DHRS11: variants seen among roughly 807,000 people sequenced by gnomAD.
DHRS11 encodes dehydrogenase/reductase 11, also known as dehydrogenase/reductase SDR family member 11.
DHRS11 carries 18 observed loss-of-function variants against 30.7 expected under a neutral mutation model. The ratio of observed to expected loss-of-function variants is 0.59; its 90% confidence interval spans 0.41 to 0.87. DHRS11 has a LOEUF of 0.87. DHRS11 is among the 40% of genes least tolerant of loss of function. DHRS11 has a pLI of 0.00. For synonymous variants in DHRS11, 123 were observed against 139.6 expected (o/e 0.88, Z 0.84); for missense variants, 300 against 349.0 (o/e 0.86, Z 1.12).
rs970691587 is a variant in DHRS11 at position 36,596,512 on chromosome 17, C to T, written c.357+1332C>T. ...GGGAGTCTGATTTTATGTGACACCCCCCCACTCCCATTCACTAAAATGACA... is the reference window on the plus strand; with the variant it reads ...GGGAGTCTGATTTTATGTGACACCCTCCCACTCCCATTCACTAAAATGACA... On this transcript the variant is annotated intron_variant, in intron 2 of 6. Coordinates refer to ENST00000618403, the MANE Select transcript of DHRS11 (RefSeq NM_024308.4). 4 of 215,570 alleles carry T rather than the reference C, an allele frequency of 1.9e-5. 1 individual carries two copies. The highest frequency in any genetic ancestry group is 7.0e-5 in the South Asian group (1 of 14,348). The allele number at this position is 215,570 out of a possible 1,614,324, so 13.4% of individuals were successfully genotyped here. A position where few individuals can be genotyped will look rare whatever the true frequency, so the allele number is the denominator to read the frequency against.
chr17:36,595,913 T>C (rs981636969), intron 2 of DHRS11, among the ~76,000 whole-genome samples: 23 of 152,316 alleles, frequency 1.5e-4, no homozygotes, highest in African/African-American at 5.3e-4. Context: ...CACTAGTAAC[T>C]ATGTGACTTT....
rs575520363 is a variant in DHRS11, at chr17:36,592,434, G to A, written c.147+278G>A. ...GAGGAAGGGGAAGCCGGAGGTCGGG[G>A]GTGGTGGTCTCGCCCCTGTGGCCTT... On this transcript the variant is annotated intron_variant, in intron 1 of 6. Coordinates refer to ENST00000618403, the MANE Select transcript of DHRS11 (RefSeq NM_024308.4). The surrounding 1 kb of genome is among the most constrained non-coding windows in gnomAD (Gnocchi z 4.4). 2.4e-4 allele frequency among the ~76,000 whole-genome samples: 37 copies of A among 152,346 alleles called. No homozygotes were observed. Among genetic ancestry groups the A allele is most frequent in the African/African-American group, 8.9e-4 (37 of 41,594 alleles).
chr17:36,594,100 T>C (rs1018505027), intron 1 of DHRS11, among the ~76,000 whole-genome samples: 11 of 152,268 alleles, frequency 7.2e-5, no homozygotes, highest in Non-Finnish European at 1.5e-4. Context: ...AAAGAATCTG[T>C]CCTGACTTTC....
In DHRS11 at chr17:36,600,041, A is replaced by T; in HGVS notation, c.741+4A>T. 6.2e-7 allele frequency: 1 copy of T among 1,613,830 alleles called. No homozygotes were observed. Among genetic ancestry groups the T allele is most frequent in the Non-Finnish European group, 8.5e-7 (1 of 1,179,890 alleles). The stretch of plus-strand genomic sequence containing the variant: ...CAGCACCCCCGCACACATCCAGGTG[A>T]GTCTGGCCCTGACTGTCTACTCACT... On this transcript the variant is annotated splice_donor_region_variant and intron_variant, in intron 6 of 6. Coordinates refer to ENST00000618403, the MANE Select transcript of DHRS11 (RefSeq NM_024308.4).
intron 2 of DHRS11, chr17:36,597,479 G>A (rs1406987333): frequency 6.4e-6 from 1 of 156,160 alleles, no homozygotes; most frequent in Non-Finnish European, 1.4e-5. Flanking sequence ...TCCCTGAAGG[G>A]TGGGGATGTG....
At chr17:36,597,856 G>A (rs1187443092) in intron 2 of DHRS11, 2 of 508,676 alleles carry the variant, frequency 3.9e-6, no homozygotes, top group Non-Finnish European at 7.1e-6. Flanking sequence ...GTTCATAGAG[G>A]AGATGGCCAA....
At position 36,600,416 on chromosome 17, in the gene DHRS11, A is replaced by G. The variant is rs2074850676; in HGVS notation, c.*213A>G. Reference sequence around the variant, plus strand: ...GCTGGGGAAAGGAGGTGGTGTCCCTAATTGTTTTACTTGTTAACTTGTTCT... The same window carrying G: ...GCTGGGGAAAGGAGGTGGTGTCCCTGATTGTTTTACTTGTTAACTTGTTCT... On this transcript the variant is annotated 3_prime_UTR_variant, in exon 7 of 7. Transcript: ENST00000618403. 1 of 633,004 alleles carries G rather than the reference A, an allele frequency of 1.6e-6. No homozygotes were observed. Among genetic ancestry groups the G allele is most frequent in the Non-Finnish European group, 2.7e-6 (1 of 365,032 alleles). The allele number at this position is 633,004 out of a possible 1,614,324, so 39.2% of individuals were successfully genotyped here.
rs2074773185 is a variant in DHRS11 at position 36,592,218 on chromosome 17, C to T, written c.147+62C>T. The stretch of plus-strand genomic sequence containing the variant: ...GTCGTTTCCCCGGAGTCGGGTTCAC[C>T]TGCCCGCCACGCCGGGGCCCTTTGC... On this transcript the variant is annotated intron_variant, in intron 1 of 6. Coordinates refer to ENST00000618403, the MANE Select transcript of DHRS11 (RefSeq NM_024308.4). This position sits in a 1 kb window ranked among gnomAD's most constrained non-coding sequence, Gnocchi z 4.4. The T allele has an allele frequency of 3.2e-6, 4 of 1,234,396 alleles. No homozygotes were observed. In the East Asian group the frequency reaches 9.5e-5, roughly 29 times the overall value. 76.5% of individuals were successfully genotyped at this position (1,234,396 alleles called of 1,614,324 possible).
intron 3 of DHRS11, chr17:36,598,531 C>T (rs2074829513): frequency 1.8e-6 from 1 of 547,704 alleles, no homozygotes; most frequent in Non-Finnish European, 3.2e-6. Flanking sequence ...ATGAACCCCA[C>T]CTCATGGCAC....
intron 4 of DHRS11, 94 bp from the exon 5 acceptor site, chr17:36,599,577 G>C (rs1443027073): frequency 1.5e-6 from 2 of 1,306,152 alleles, no homozygotes; most frequent in African/African-American, 2.9e-5. Context: ...CCATCACTGT[G>C]AAGCTGGGGT....
In DHRS11 at chr17:36,591,931, GGCAGGAGAGCGGCCGGGCGTCA is replaced by G. The variant is rs1352666980; in HGVS notation, c.-76_-55del. On this transcript the variant is annotated 5_prime_UTR_variant, in exon 1 of 7. Coordinates refer to ENST00000618403, the MANE Select transcript of DHRS11 (RefSeq NM_024308.4). ...CGGACCCAAGCAGGTCGGCGGCGGCGGCAGGAGAGCGGCCGGGCGTCAGCTCCTCGACCCCCGTGTCGGGCTA... is the reference window on the plus strand; with the variant it reads ...CGGACCCAAGCAGGTCGGCGGCGGCGGCTCCTCGACCCCCGTGTCGGGCTA... The G allele has an allele frequency of 5.8e-6, 7 of 1,211,488 alleles. No homozygotes were observed. The highest frequency in any genetic ancestry group is 4.2e-5 in the South Asian group (1 of 24,078). The allele number at this position is 1,211,488 out of a possible 1,614,324, so 75.0% of individuals were successfully genotyped here.
chr17:36,592,163 CCGGGCCGAGGG>C lies in DHRS11; in HGVS notation c.147+12_147+22del. 2.3e-6 allele frequency: 3 copies of C among 1,278,836 alleles called. No homozygotes were observed. Among genetic ancestry groups the C allele is most frequent in the Non-Finnish European group, 3.0e-6 (3 of 1,012,734 alleles). The allele number at this position is 1,278,836 out of a possible 1,614,324, so 79.2% of individuals were successfully genotyped here. ...CACTGTGGGCAACATCGAGGTGAGGCCGGGCCGAGGGCGGGGACGTCGCGGGCGGGTCGTTT... is the reference window on the plus strand; with the variant it reads ...CACTGTGGGCAACATCGAGGTGAGGCCGGGGACGTCGCGGGCGGGTCGTTT... On this transcript the variant is annotated splice_region_variant and intron_variant, in intron 1 of 6. Coordinates refer to ENST00000618403, the MANE Select transcript of DHRS11 (RefSeq NM_024308.4). The surrounding 1 kb of genome is among the most constrained non-coding windows in gnomAD (Gnocchi z 4.4).
intron 1 of DHRS11, among the ~76,000 whole-genome samples, chr17:36,593,404 G>A (rs2074784306): frequency 6.6e-6 from 1 of 152,196 alleles, no homozygotes; most frequent in Admixed American, 6.5e-5. Flanking sequence ...CAGTGACAGG[G>A]AGAAATACAT....
chr17:36,598,269 T>C lies in DHRS11; in HGVS notation c.452+12T>C, dbSNP rs2074827670. 5.6e-6 allele frequency: 9 copies of C among 1,613,308 alleles called. No individual in the cohort carries two copies. The South Asian group carries it at 9.9e-5, about 18-fold the overall frequency. On this transcript the variant is annotated intron_variant, in intron 3 of 6. Transcript: ENST00000618403. Reference sequence around the variant, plus strand: ...ATTAACATCAATAGGTGAGGGCAGGTGGCCAATGGGTACCACTCACCCACC... The same window carrying C: ...ATTAACATCAATAGGTGAGGGCAGGCGGCCAATGGGTACCACTCACCCACC...
chr17:36,595,200 A>C lies in DHRS11; in HGVS notation c.357+20A>C. The C allele has an allele frequency of 1.9e-6, 3 of 1,612,292 alleles. No individual in the cohort carries two copies. The highest frequency in any genetic ancestry group is 2.5e-6 in the Non-Finnish European group (3 of 1,179,820). ...TTCAATGTAAGAGCTCCAAGCCTCC[A>C]TCTTCCAGGTGGAGGGTGGGGAGGA... On this transcript the variant is annotated intron_variant, in intron 2 of 6. Transcript: ENST00000618403.
At position 36,592,565 on chromosome 17, in the gene DHRS11, TG is replaced by T. The variant is rs2074776619; in HGVS notation, c.147+413del. On this transcript the variant is annotated intron_variant, in intron 1 of 6. Coordinates refer to ENST00000618403, the MANE Select transcript of DHRS11 (RefSeq NM_024308.4). This position sits in a 1 kb window ranked among gnomAD's most constrained non-coding sequence, Gnocchi z 4.4. Reference sequence around the variant, plus strand: ...CAGGAGCCAGGACTGAGGTTGGGGTTGGGGTGGGAGCTTTACTGAAGAGCCT... The same window carrying T: ...CAGGAGCCAGGACTGAGGTTGGGGTTGGGTGGGAGCTTTACTGAAGAGCCT... Among the ~76,000 whole-genome samples, 1 of 152,138 alleles carries T rather than the reference TG, an allele frequency of 6.6e-6. No homozygotes were observed. The highest frequency in any genetic ancestry group is 1.5e-5 in the Non-Finnish European group (1 of 68,000).
intron 1 of DHRS11, chr17:36,594,601 A>C (rs2074794197): frequency 3.2e-6 from 1 of 311,930 alleles, no homozygotes; most frequent in Non-Finnish European, 6.1e-6. Flanking sequence ...TTCAGTAGAG[A>C]TAGGGTTCCA....
intron 3 of DHRS11, chr17:36,598,589 G>T: frequency 2.0e-6 from 1 of 500,448 alleles, no homozygotes; most frequent in South Asian, 2.6e-5. Context: ...CCAGTCTGAG[G>T]GGGGACATGG....
intron 2 of DHRS11, 167 bp from the exon 3 acceptor site, chr17:36,597,996 T>A (rs1356907910): frequency 2.9e-6 from 2 of 683,250 alleles, no homozygotes; most frequent in Non-Finnish European, 5.2e-6. Context: ...GAGAGGGGCA[T>A]CTCGTGTAGA....
Sources: gnomAD v4.1 joint callset for allele counts (sites outside exome capture counted in the v4.1 genomes callset) on GRCh38, gnomAD v4.1.1 for gene constraint, Gnocchi (gnomAD v3.1) non-coding constraint, MANE v1.5 for transcripts, NCBI Gene and HGNC (gene_info 2026-07-23, HGNC 2026-07-21) for gene names.